The following NDE1 variants were observed in gnomAD, a reference collection of about 807,000 sequenced individuals.
The protein encoded by NDE1 is nudE neurodevelopment protein 1.
A neutral mutation model predicts 43.4 loss-of-function variants in NDE1; 28 were observed. The observed-to-expected ratio is 0.65, with a 90% CI of 0.48 to 0.89. The LOEUF is 0.89. NDE1 is among the 40% of genes least tolerant of loss of function. The probability of loss-of-function intolerance (pLI) is 0.00; values close to 1 mark genes in which losing one functional copy is unlikely to be tolerated. For missense variants in NDE1, 441 were observed against 434.1 expected, an observed-to-expected ratio of 1.02 and a Z score of -0.14; for synonymous variants, 184 against 172.0, an observed-to-expected ratio of 1.07 and a Z score of -0.55.
chr16:15,680,723 A>G (rs1400925754), intron 4 of NDE1, among the ~76,000 whole-genome samples: 1 of 152,064 alleles, frequency 6.6e-6, no homozygotes. Flanking sequence ...TATTTTTAGC[A>G]GAGACGGAGT....
At chr16:15,708,864 G>C (rs183887960) in intron 8 of NDE1, 1 of 1,607,388 alleles carries the variant, frequency 6.2e-7, no homozygotes, top group Non-Finnish European at 8.5e-7. Context: ...GAGAATCCCC[G>C]GAGGTTACCA....
At chr16:15,715,395 ATCAG>A (rs1479857093) in intron 8 of NDE1, 3 of 826,476 alleles carry the variant, frequency 3.6e-6, no homozygotes, top group Non-Finnish European at 4.1e-6. Context: ...CCTCTCAAGA[ATCAG>A]TCAGATGGTG....
intron 8 of NDE1, among the ~76,000 whole-genome samples, chr16:15,723,806 T>G (rs1050721175): frequency 1.3e-5 from 2 of 152,198 alleles, no homozygotes; most frequent in Non-Finnish European, 2.9e-5. Context: ...GTATAGAAAC[T>G]GAATTACTTG....
chr16:15,684,971 A>G (rs1351033513), intron 4 of NDE1, among the ~76,000 whole-genome samples: 2 of 152,130 alleles, frequency 1.3e-5, no homozygotes, highest in Non-Finnish European at 2.9e-5. Context: ...TTCTTGTTTC[A>G]TTGTCACAGG....
At chr16:15,653,473 G>T (rs890015898) in intron 1 of NDE1, among the ~76,000 whole-genome samples, 3 of 152,080 alleles carry the variant, frequency 2.0e-5, no homozygotes, top group Non-Finnish European at 4.4e-5. Flanking sequence ...CTTCCCTCCT[G>T]CTCTTCTGTT....
chr16:15,705,927 G>A (rs1177520881), intron 8 of NDE1, among the ~76,000 whole-genome samples: 1 of 137,008 alleles, frequency 7.3e-6, no homozygotes, highest in Admixed American at 8.0e-5. Flanking sequence ...GGAGCTTGCA[G>A]TGAGCCGAGA....
At chr16:15,653,445 AT>A in intron 1 of NDE1, among the ~76,000 whole-genome samples, 1 of 152,190 alleles carries the variant, frequency 6.6e-6, no homozygotes, top group East Asian at 1.9e-4. Flanking sequence ...ATGTGTGGAC[AT>A]TTGGCAGCTT....
At chr16:15,686,889 A>G (rs1172356102) in intron 4 of NDE1, 2 of 771,358 alleles carry the variant, frequency 2.6e-6, no homozygotes, top group East Asian at 1.3e-4. Context: ...GGATTTTGCC[A>G]TTTGCCCAAG....
chr16:15,687,078 ATGCCACATGCAGTCC>A (rs2038474805), intron 4 of NDE1: 14 of 1,264,254 alleles, frequency 1.1e-5, no homozygotes, highest in Non-Finnish European at 1.4e-5. Context: ...AAACCACCAA[ATGCCACATGCAGTCC>A]TGATAGGGCT....
intron 7 of NDE1, chr16:15,694,596 G>A (rs1022234338): frequency 1.0e-6 from 1 of 978,678 alleles, no homozygotes; most frequent in Non-Finnish European, 1.2e-6. Flanking sequence ...GATCCTCCCA[G>A]GTTGGCCTCC....
At chr16:15,672,389 G>A (rs183652938) in intron 3 of NDE1, among the ~76,000 whole-genome samples, 76 of 152,198 alleles carry the variant, frequency 5.0e-4, no homozygotes, top group Non-Finnish European at 7.1e-4. Context: ...CTGAGATTGC[G>A]CCACTGTACT....
intron 3 of NDE1, among the ~76,000 whole-genome samples, chr16:15,675,767 G>T (rs752972684): frequency 1.5e-4 from 23 of 152,050 alleles, no homozygotes; most frequent in South Asian, 8.3e-4. Context: ...AGCAGAGCCG[G>T]AACAGAATCA....
At chr16:15,688,793 G>C in intron 5 of NDE1, among the ~76,000 whole-genome samples, 1 of 131,462 alleles carries the variant, frequency 7.6e-6, no homozygotes, top group East Asian at 2.7e-4. Flanking sequence ...CTGCCTCCCA[G>C]GTTCAGCGAT....
In NDE1 at chr16:15,717,351, G is replaced by C. The variant is rs370866058; in HGVS notation, c.948-6840G>C. 7.5e-6 allele frequency: 12 copies of C among 1,605,198 alleles called. No individual in the cohort carries two copies. The African/African-American group carries it at 1.1e-4, about 14-fold the overall frequency. ...AGCTCGTTGCTGAGCTGCTCGGCCT[G>C]GGGAGGAGAGTGAAGGCCATGAGGC... On this transcript the variant is annotated intron_variant, in intron 8 of 8. Coordinates refer to ENST00000396354, the MANE Select transcript of NDE1 (RefSeq NM_017668.3).
rs199997929 is a variant in NDE1 at position 15,714,935 on chromosome 16, C to T, written c.948-9256C>T. ...TGAGCTTGCTCTTGAGTGCGTTCAC[C>T]TCGCGGCCCATGGCCTCGTTGCTCT... On this transcript the variant is annotated intron_variant, in intron 8 of 8. Coordinates refer to ENST00000396354, the MANE Select transcript of NDE1 (RefSeq NM_017668.3). 6.2e-5 allele frequency: 100 copies of T among 1,614,072 alleles called. No individual in the cohort carries two copies. Among genetic ancestry groups the T allele is most frequent in the Non-Finnish European group, 8.2e-5 (97 of 1,180,050 alleles).
In NDE1 at chr16:15,664,753, G is replaced by A. The variant is rs1326115813; in HGVS notation, c.-26G>A. On this transcript the variant is annotated 5_prime_UTR_variant, in exon 2 of 9. Transcript: ENST00000396354. ...TCTCCTAGACACCATGCCACAAGGA[G>A]AGTGATCTCTTCCCCTGTTTTCACA... is the stretch of plus-strand genomic sequence containing the variant. 1 of 1,548,264 alleles carries A rather than the reference G, an allele frequency of 6.5e-7. No homozygotes were observed. The highest frequency in any genetic ancestry group is 8.9e-7 in the Non-Finnish European group (1 of 1,120,476).
intron 3 of NDE1, among the ~76,000 whole-genome samples, chr16:15,675,713 AC>A (rs2037834877): frequency 6.6e-6 from 1 of 152,074 alleles, no homozygotes; most frequent in African/African-American, 2.4e-5. Context: ...GGCATGAGGC[AC>A]CACACCTGGC....
intron 2 of NDE1, among the ~76,000 whole-genome samples, chr16:15,666,927 A>AT (rs1456776276): frequency 4.6e-5 from 7 of 152,258 alleles, no homozygotes; most frequent in Admixed American, 4.6e-4. Flanking sequence ...CTTAAAGGTA[A>AT]TTCAGGCTTG....
At chr16:15,721,414 C>T in intron 8 of NDE1, 1 of 1,614,024 alleles carries the variant, frequency 6.2e-7, no homozygotes, top group Non-Finnish European at 8.5e-7. Context: ...CCACCCAGAG[C>T]CACTTACGTT....
Sources: gnomAD v4.1 joint callset for allele counts (sites outside exome capture counted in the v4.1 genomes callset) on GRCh38, gnomAD v4.1.1 for gene constraint, MANE v1.5 for transcripts, NCBI Gene and HGNC (gene_info 2026-07-23, HGNC 2026-07-21) for gene names.